Variants in MRTFA observed in about 807,000 individuals in gnomAD.
MRTFA encodes the protein myocardin related transcription factor A, also known as myocardin-related transcription factor A.
Under a neutral mutation model 83.5 loss-of-function variants are expected in MRTFA, and 20 were observed. The observed-to-expected ratio is 0.24, with a 90% CI of 0.17 to 0.35. The LOEUF (loss-of-function observed/expected upper bound fraction) is 0.35. MRTFA is among the 10% of genes least tolerant of loss of function. MRTFA has a pLI of 1.00. For synonymous variants in MRTFA, 659 were observed against 541.2 expected, an observed-to-expected ratio of 1.22 and a Z score of -3.02; for missense variants, 1,200 against 1,224.7, an observed-to-expected ratio of 0.98 and a Z score of 0.30.
intron 3 of MRTFA, among the ~76,000 whole-genome samples, chr22:40,475,533 T>C (rs2053979824): frequency 6.6e-6 from 1 of 151,620 alleles, no homozygotes; most frequent in South Asian, 2.1e-4. Flanking sequence ...CCAGACTCCG[T>C]CTGAAAAAAA....
At chr22:40,412,611 G>C (rs1276445476) in intron 14 of MRTFA, 5 of 152,218 alleles carry the variant, frequency 3.3e-5, no homozygotes, top group African/African-American at 1.2e-4. Flanking sequence ...ACTATGCTTA[G>C]TGCAACAGCC....
chr22:40,429,793 A>G, intron 6 of MRTFA, 26 bp from the exon 7 acceptor site: 1 of 1,589,870 alleles, frequency 6.3e-7, no homozygotes, highest in Non-Finnish European at 8.5e-7. Context: ...AAAGGGGTGC[A>G]GGAAGATATA....
At chr22:40,552,428 G>T in intron 2 of MRTFA, 61 bp from the exon 3 acceptor site, 1 of 396,042 alleles carries the variant, frequency 2.5e-6, no homozygotes, top group Non-Finnish European at 4.4e-6. Context: ...GTTTGGTGGT[G>T]TCCTCACCCA....
intron 3 of MRTFA, among the ~76,000 whole-genome samples, chr22:40,548,269 G>T (rs1469268650): frequency 7.0e-6 from 1 of 141,958 alleles, no homozygotes; most frequent in East Asian, 2.2e-4. Context: ...TGAGGCACAA[G>T]AATCACTTGA....
intron 4 of MRTFA, among the ~76,000 whole-genome samples, chr22:40,459,941 C>T (rs765147334): frequency 1.9e-4 from 28 of 148,134 alleles, no homozygotes; most frequent in Non-Finnish European, 2.8e-4. Flanking sequence ...ACCGCAATAA[C>T]CAAAGCATCA....
At chr22:40,536,888 T>G (rs1483080315) in intron 3 of MRTFA, among the ~76,000 whole-genome samples, 1 of 46,016 alleles carries the variant, frequency 2.2e-5, no homozygotes, top group African/African-American at 8.7e-5. Context: ...GTCTGAGAAG[T>G]GAGGAGCCCC....
At chr22:40,453,715 C>T (rs1029593615) in intron 4 of MRTFA, among the ~76,000 whole-genome samples, 1 of 151,872 alleles carries the variant, frequency 6.6e-6, no homozygotes, top group African/African-American at 2.4e-5. Flanking sequence ...TTCTTGAAAC[C>T]TACAATTTTA....
intron 3 of MRTFA, among the ~76,000 whole-genome samples, chr22:40,494,709 C>T (rs538286337): frequency 6.6e-6 from 1 of 152,020 alleles, no homozygotes; most frequent in East Asian, 1.9e-4. Flanking sequence ...TGGTACACCC[C>T]TTTAACAGAA....
chr22:40,425,436 G>C (rs956473427), intron 7 of MRTFA, among the ~76,000 whole-genome samples: 14 of 152,226 alleles, frequency 9.2e-5, no homozygotes, highest in Admixed American at 7.8e-4. Flanking sequence ...ATAAGGAAGA[G>C]GAACAAAGCG....
chr22:40,423,769 A>G, intron 8 of MRTFA, 84 bp from the exon 9 acceptor site: 2 of 1,250,302 alleles, frequency 1.6e-6, no homozygotes, highest in South Asian at 3.7e-5. Context: ...CAGGGTCCTC[A>G]GACGCCACCA....
intron 1 of MRTFA, among the ~76,000 whole-genome samples, chr22:40,627,825 T>C (rs1490582211): frequency 6.6e-6 from 1 of 152,138 alleles, no homozygotes; most frequent in Non-Finnish European, 1.5e-5. Context: ...CAAAAAAATT[T>C]AGCCGGGCAT....
Position 40,632,100 on chromosome 22 carries a change from T to C in MRTFA, c.-84+4378A>G, listed in dbSNP as rs544329665. 3.3e-5 allele frequency among the ~76,000 whole-genome samples: 5 copies of C among 152,322 alleles called. No individual in the cohort carries two copies. In the East Asian group the frequency reaches 9.6e-4, roughly 29 times the overall value. ...CAGCAGCTTGGTCTTTTGTATTACA[T>C]GCTCTGAGGCAAGCTGGCTGCCATG... On this transcript the variant is annotated intron_variant, in intron 1 of 14. Coordinates refer to ENST00000355630, the MANE Select transcript of MRTFA (RefSeq NM_020831.6).
intron 3 of MRTFA, among the ~76,000 whole-genome samples, chr22:40,465,345 G>A (rs1166972165): frequency 6.6e-6 from 1 of 152,064 alleles, no homozygotes; most frequent in Non-Finnish European, 1.5e-5. Context: ...GATCTCAAAA[G>A]GATGTTACAA....
intron 3 of MRTFA, among the ~76,000 whole-genome samples, chr22:40,520,185 A>C (rs1023558324): frequency 5.3e-5 from 8 of 152,212 alleles, no homozygotes; most frequent in African/African-American, 1.9e-4. Flanking sequence ...AATTTAAAAA[A>C]TTGAGATACA....
At chr22:40,447,341 T>C in intron 4 of MRTFA, among the ~76,000 whole-genome samples, 1 of 151,418 alleles carries the variant, frequency 6.6e-6, no homozygotes, top group Middle Eastern at 3.4e-3. Context: ...TAACAGAGTC[T>C]TTGTTTCAAA....
At chr22:40,442,394 G>A (rs963536227) in intron 4 of MRTFA, among the ~76,000 whole-genome samples, 1 of 152,216 alleles carries the variant, frequency 6.6e-6, no homozygotes, top group Non-Finnish European at 1.5e-5. Flanking sequence ...CAAGCCTGCT[G>A]GGTTTCTTTT....
chr22:40,502,327 T>G (rs1220123554), intron 3 of MRTFA, among the ~76,000 whole-genome samples: 1 of 82,918 alleles, frequency 1.2e-5, no homozygotes, highest in Non-Finnish European at 2.3e-5. Context: ...AGGCAGAGGG[T>G]CTCCTCACTT....
chr22:40,426,695 G>A (rs987906906), intron 7 of MRTFA, among the ~76,000 whole-genome samples: 1 of 152,150 alleles, frequency 6.6e-6, no homozygotes, highest in African/African-American at 2.4e-5. Context: ...GTGCTATAGT[G>A]TGGGTACTTC....
At chr22:40,487,254 G>C (rs2054188773) in intron 3 of MRTFA, among the ~76,000 whole-genome samples, 1 of 152,132 alleles carries the variant, frequency 6.6e-6, no homozygotes, top group African/African-American at 2.4e-5. Flanking sequence ...ATATTTATAA[G>C]TAATCACTTA....
Sources: allele counts gnomAD v4.1 joint callset (sites outside exome capture counted in the v4.1 genomes callset), GRCh38; gene constraint gnomAD v4.1.1; transcripts MANE v1.5; gene names NCBI Gene and HGNC (gene_info 2026-07-23, HGNC 2026-07-21).